Variants in PER3 observed in about 807,000 individuals in gnomAD.
PER3 encodes the protein period circadian protein homolog 3.
In PER3, 107 loss-of-function variants were observed where a neutral mutation model predicts 127.2. The observed-to-expected ratio is 0.84, with a 90% confidence interval of 0.72 to 0.99. PER3 has a LOEUF of 0.99. Among genes scored for constraint, PER3 ranks in the 50% least tolerant of loss-of-function variants. The pLI, the probability that PER3 is intolerant of heterozygous loss-of-function variation, is 0.00. For synonymous variants in PER3, 618 were observed against 585.8 expected (o/e 1.05, Z -0.79); for missense variants, 1,560 against 1,525.8 (o/e 1.02, Z -0.37).
intron 13 of PER3, among the ~76,000 whole-genome samples, chr1:7,814,286 AC>A (rs1489467760): frequency 6.6e-6 from 1 of 152,206 alleles, no homozygotes; most frequent in African/African-American, 2.4e-5. Context: ...CAAAAACAAA[AC>A]AAAACACTTG....
chr1:7,827,454 A>T lies in PER3; in HGVS notation c.2525A>T (p.Gln842Leu). The T allele has an allele frequency of 6.2e-7, 1 of 1,614,230 alleles. No individual in the cohort carries two copies. The highest frequency in any genetic ancestry group is 8.5e-7 in the Non-Finnish European group (1 of 1,180,024). Residue 842 changes from glutamine to leucine, a missense_variant, in exon 18 of 22, where the codon CAG becomes CTG. Coordinates refer to ENST00000377532, the MANE Select transcript of PER3 (RefSeq NM_001377275.1). The stretch of plus-strand genomic sequence containing the variant: ...GGGCTGCCCTTGTCCGAGGGCTTGC[A>T]GCCTTACCCAGCTTTCCCTTTTCCT... The part of the protein sequence containing the change: ...LHGLPLSEGL[Q>L]PYPAFPFPYL...
At position 7,786,748 on chromosome 1, in the gene PER3, G is replaced by C. The variant is rs1016978300; in HGVS notation, c.302G>C (p.Ser101Thr). The part of the protein sequence containing the change: ...QANSEFFQIL[S>T]QNGAPQADVS... ...AACAGTGAGTTTTTCCAGATTCTCA[G>C]TCAGAATGGAGCACCTCAGGCAGAT... The change falls in exon 4 of 22, where the codon AGT becomes ACT. Residue 101 changes from serine to threonine, a missense_variant. This residue lies in a region of PER3 where 1,332 missense variants were observed against 1,223.6 expected (regional missense o/e 1.09). Transcript: ENST00000377532. 1.1e-5 allele frequency: 18 copies of C among 1,609,676 alleles called. No individual in the cohort carries two copies. Among genetic ancestry groups the C allele is most frequent in the Middle Eastern group, 3.3e-4 (2 of 6,074 alleles).
chr1:7,796,690 C>T (rs2097147173), intron 6 of PER3, among the ~76,000 whole-genome samples: 1 of 151,982 alleles, frequency 6.6e-6, no homozygotes, highest in Admixed American at 6.6e-5. Context: ...AGAAGGGAGG[C>T]AGGGAGGGCA....
chr1:7,815,128 T>C (rs933892480), intron 13 of PER3, among the ~76,000 whole-genome samples: 2 of 152,098 alleles, frequency 1.3e-5, no homozygotes, highest in Non-Finnish European at 2.9e-5. Flanking sequence ...TCTCTAAAAA[T>C]ACACTTAAAT....
rs745549214 is a variant in PER3, at chr1:7,837,101, G to A, written c.3501G>A (p.Val1167=). Residue 1167 remains valine (V), a synonymous_variant, in exon 21 of 22, where the codon GTG becomes GTA. Transcript: ENST00000377532. ...GGCAAAAGGAGGAGCTGGCTAAGGT[G>A]TATAATTGGATTCAAAGCCAGACTG... ...SHGQKEELAK[V]YNWIQSQTVT... is the part of the protein sequence containing the mutation. The A allele has an allele frequency of 2.5e-6, 4 of 1,614,006 alleles. No individual in the cohort carries two copies. The highest frequency in any genetic ancestry group is 1.7e-5 in the Admixed American group (1 of 59,986).
intron 6 of PER3, among the ~76,000 whole-genome samples, chr1:7,795,059 A>G (rs879543166): frequency 3.3e-5 from 5 of 152,074 alleles, no homozygotes; most frequent in African/African-American, 4.8e-5. Context: ...CCAGTACTCC[A>G]TGGAACTGGG....
At chr1:7,836,230 A>G (rs959007581) in intron 20 of PER3, among the ~76,000 whole-genome samples, 1 of 152,074 alleles carries the variant, frequency 6.6e-6, no homozygotes, top group Non-Finnish European at 1.5e-5. Context: ...CCCAGGCTGG[A>G]GTGCCGTGGT....
Position 7,820,139 on chromosome 1 carries a change from A to G in PER3, c.1683A>G (p.Pro561=). The G allele has an allele frequency of 6.2e-7, 1 of 1,613,718 alleles. No individual in the cohort carries two copies. The highest frequency in any genetic ancestry group is 8.5e-7 in the Non-Finnish European group (1 of 1,179,672). Residue 561 remains proline, a synonymous_variant, in exon 15 of 22, where the codon CCA becomes CCG. Transcript: ENST00000377532. ...VIRYLKSYNI[P]ALKRKCISCT... ...GATACCTGAAGAGCTACAACATTCCAGCTTTGAAAAGAAAGTGTATCTCCT... is the reference window on the plus strand; with the variant it reads ...GATACCTGAAGAGCTACAACATTCCGGCTTTGAAAAGAAAGTGTATCTCCT...
At position 7,827,570 on chromosome 1, in the gene PER3, G is replaced by A. The variant is rs1290682617; in HGVS notation, c.2641G>A (p.Ala881Thr). ...PSFLPCPFLG[A>T]TASSAISPSM... The stretch of plus-strand genomic sequence containing the variant: ...GTTTTTGCCATGTCCATTCCTGGGG[G>A]CGACAGCCTCTTCTGCGATATCACC... Residue 881 changes from alanine (A) to threonine (T), a missense_variant, in exon 18 of 22, where the codon GCG (alanine) becomes ACG (threonine). Physicochemically the swap from Ala to Thr is moderately conservative, Grantham distance 58. Transcript: ENST00000377532. The A allele has an allele frequency of 9.3e-6, 15 of 1,614,170 alleles. No individual in the cohort carries two copies. Among genetic ancestry groups the A allele is most frequent in the Admixed American group, 1.7e-5 (1 of 60,020 alleles).
At chr1:7,800,920 A>C (rs2097168047) in intron 7 of PER3, among the ~76,000 whole-genome samples, 193 bp from the exon 8 acceptor site, 1 of 152,044 alleles carries the variant, frequency 6.6e-6, no homozygotes, top group Non-Finnish European at 1.5e-5. Context: ...ATTTTTACCT[A>C]ATTAAAATGT....
At position 7,826,321 on chromosome 1, in the gene PER3, CAG is replaced by C. The variant is rs1212010637; in HGVS notation, c.1958-157_1958-156del. Among the ~76,000 whole-genome samples the C allele has an allele frequency of 6.6e-6, 1 of 152,040 alleles. No individual in the cohort carries two copies. The highest frequency in any genetic ancestry group is 1.9e-4 in the East Asian group (1 of 5,200). The stretch of plus-strand genomic sequence containing the variant: ...TTTGTGCAAAGAATATAAAGGAAGA[CAG>C]AAAATGAAGAATTTCTGTGCTAGGC... On this transcript the variant is annotated intron_variant, in intron 16 of 21. Transcript: ENST00000377532. This position sits in a 1 kb window ranked among gnomAD's most constrained non-coding sequence, Gnocchi z 4.2.
intron 3 of PER3, 90 bp from the exon 4 acceptor site, chr1:7,786,630 GA>G (rs1205791322): frequency 9.8e-6 from 7 of 715,540 alleles, no homozygotes; most frequent in Admixed American, 2.3e-5. Context: ...GTTCTCATCC[GA>G]AAAAAATAAT....
At chr1:7,812,267 AT>A (rs5772291) in intron 13 of PER3, among the ~76,000 whole-genome samples, 2 of 150,384 alleles carry the variant, frequency 1.3e-5, no homozygotes, top group African/African-American at 2.4e-5. Context: ...CATCGGTACT[AT>A]TTTTTTTTGA....
chr1:7,801,097 G>GTTT lies in PER3; in HGVS notation c.794-9_794-7dup. On this transcript the variant is annotated splice_polypyrimidine_tract_variant and intron_variant, in intron 7 of 21. Transcript: ENST00000377532. ...GATATTTGCCTTTAAATGGGTCTTT[G>GTTT]TTTTTTTTTCCTTAGCTCCTCGGAT... is the stretch of plus-strand genomic sequence containing the variant. The GTTT allele has an allele frequency of 7.8e-7, 1 of 1,276,926 alleles. No homozygotes were observed. The highest frequency in any genetic ancestry group is 1.1e-6 in the Non-Finnish European group (1 of 906,404). 79.1% of individuals were successfully genotyped at this position (1,276,926 alleles called of 1,614,324 possible).
chr1:7,812,620 G>A (rs539023261), intron 13 of PER3, among the ~76,000 whole-genome samples: 169 of 41,510 alleles, frequency 4.1e-3, no homozygotes, highest in African/African-American at 0.013. Context: ...GCAAGACTCC[G>A]TCTCAAAAAA....
At chr1:7,800,257 A>C (rs1347852229) in intron 7 of PER3, among the ~76,000 whole-genome samples, 1 of 150,758 alleles carries the variant, frequency 6.6e-6, no homozygotes, top group Non-Finnish European at 1.5e-5. Flanking sequence ...CCCAGGCTGG[A>C]GTGCAGTGGG....
chr1:7,814,256 C>T (rs759579185), intron 13 of PER3, among the ~76,000 whole-genome samples: 1 of 152,086 alleles, frequency 6.6e-6, no homozygotes, highest in Non-Finnish European at 1.5e-5. Context: ...CAAAGACCAT[C>T]AAGTAAGTTA....
intron 11 of PER3, 31 bp downstream of exon 11, chr1:7,809,029 C>T: frequency 9.4e-7 from 1 of 1,058,892 alleles, no homozygotes; most frequent in Non-Finnish European, 1.4e-6. Flanking sequence ...ATGCAAAGTT[C>T]CCTGAATTGT....
At chr1:7,838,002 C>A (rs1158030253) in intron 21 of PER3, among the ~76,000 whole-genome samples, 2 of 152,058 alleles carry the variant, frequency 1.3e-5, no homozygotes, top group African/African-American at 4.8e-5. Flanking sequence ...GAAATTGAGG[C>A]TACAGTGAGC....
Sources: allele counts gnomAD v4.1 joint callset (sites outside exome capture counted in the v4.1 genomes callset), GRCh38; gene constraint gnomAD v4.1.1; regional missense constraint gnomAD v4.1.1; non-coding constraint Gnocchi (gnomAD v3.1); transcripts MANE v1.5; gene names NCBI Gene and HGNC (gene_info 2026-07-23, HGNC 2026-07-21).